Variants in RCOR1 observed in about 807,000 individuals in gnomAD.
RCOR1 encodes REST corepressor 1.
A neutral mutation model predicts 64.0 loss-of-function variants in RCOR1; 12 were observed. The observed-to-expected ratio is 0.19, with a 90% CI of 0.12 to 0.30. The LOEUF (loss-of-function observed/expected upper bound fraction) is 0.30. Ranked by LOEUF, RCOR1 falls within the 10% of genes least tolerant of loss-of-function variation. The pLI is 1.00. For synonymous variants in RCOR1, 279 were observed against 227.2 expected, an observed-to-expected ratio of 1.23 and a Z score of -2.05; for missense variants, 502 against 621.2, an observed-to-expected ratio of 0.81 and a Z score of 2.04.
At chr14:102,597,001 T>C (rs1162075729) in intron 2 of RCOR1, among the ~76,000 whole-genome samples, 1 of 151,712 alleles carries the variant, frequency 6.6e-6, no homozygotes, top group Admixed American at 6.6e-5. Flanking sequence ...GCCTCCCAAG[T>C]AGTTGGAACT....
chr14:102,593,158 G>C lies in RCOR1; in HGVS notation c.272G>C (p.Ser91Thr). 2.0e-6 allele frequency: 3 copies of C among 1,526,480 alleles called. No individual in the cohort carries two copies. Among genetic ancestry groups the C allele is most frequent in the Non-Finnish European group, 1.8e-6 (2 of 1,142,812 alleles). 94.6% of individuals were successfully genotyped at this position (1,526,480 alleles called of 1,614,324 possible). The change falls in exon 1 of 12, where the codon AGC becomes ACC. Residue 91 changes from serine to threonine, a missense_variant. By Grantham distance (58) the Ser-to-Thr change is moderately conservative (BLOSUM62 1). Transcript: ENST00000262241. ...AGCAGCAACTCCTGGGAGGAAGGCA[G>C]CTCGGGCTCGTCCAGCGACGAGGAG... is the stretch of plus-strand genomic sequence containing the variant. ...NSSSNSWEEG[S>T]SGSSSDEEHG...
intron 2 of RCOR1, among the ~76,000 whole-genome samples, chr14:102,679,032 T>G (rs1895249454): frequency 6.6e-6 from 1 of 152,248 alleles, no homozygotes; most frequent in African/African-American, 2.4e-5. Context: ...AGAAGTCCTT[T>G]GTTGCATATG....
At chr14:102,700,062 T>C (rs527880187) in intron 3 of RCOR1, among the ~76,000 whole-genome samples, 22 of 152,298 alleles carry the variant, frequency 1.4e-4, no homozygotes, top group African/African-American at 5.3e-4. Context: ...CTCTTAAGAA[T>C]TTTTTAAAAC....
chr14:102,612,705 G>A (rs988544553), intron 2 of RCOR1, among the ~76,000 whole-genome samples: 5 of 151,668 alleles, frequency 3.3e-5, no homozygotes, highest in Non-Finnish European at 7.4e-5. Context: ...CTGCTTGCTG[G>A]TTACCCTGTG....
At chr14:102,711,694 TATA>T (rs1392459290) in intron 7 of RCOR1, among the ~76,000 whole-genome samples, 1 of 152,160 alleles carries the variant, frequency 6.6e-6, no homozygotes, top group East Asian at 1.9e-4. Flanking sequence ...TGCTCCAAAT[TATA>T]AGAATAGTTA....
At chr14:102,656,413 T>C (rs1894725193) in intron 2 of RCOR1, among the ~76,000 whole-genome samples, 1 of 151,420 alleles carries the variant, frequency 6.6e-6, no homozygotes. Flanking sequence ...ATTGGGATTA[T>C]AGGTGTGAGC....
Position 102,726,815 on chromosome 14 carries a change from A to C in RCOR1, c.*309A>C. On this transcript the variant is annotated 3_prime_UTR_variant, in exon 12 of 12. Coordinates refer to ENST00000262241, the MANE Select transcript of RCOR1 (RefSeq NM_015156.4). ...CCGCCGGAGCCCCCGAGCCCCACCA[A>C]TGGCAGCTCTTCCCAGTCAGCAGCT... 6 of 348,928 alleles carry C rather than the reference A, an allele frequency of 1.7e-5. No homozygotes were observed. The highest frequency in any genetic ancestry group is 5.9e-5 in the East Asian group (1 of 17,038). The allele number at this position is 348,928 out of a possible 1,614,324, so 21.6% of individuals were successfully genotyped here.
Position 102,631,103 on chromosome 14 carries a change from C to T in RCOR1, c.361+37778C>T, listed in dbSNP as rs79079201. Among the ~76,000 whole-genome samples the T allele has an allele frequency of 2.6e-3, 390 of 152,248 alleles. 1 individual carries two copies. Among genetic ancestry groups the T allele is most frequent in the Non-Finnish European group, 4.6e-3 (314 of 68,040 alleles). ...AACTGGTATATCATCACTTCTGTCA[C>T]ATTTCCCCGATGACTTTGTGTCTCT... On this transcript the variant is annotated intron_variant, in intron 2 of 11. Coordinates refer to ENST00000262241, the MANE Select transcript of RCOR1 (RefSeq NM_015156.4).
intron 2 of RCOR1, among the ~76,000 whole-genome samples, chr14:102,595,798 C>G (rs1341890059): frequency 2.0e-5 from 3 of 152,056 alleles, no homozygotes; most frequent in Non-Finnish European, 4.4e-5. Flanking sequence ...CCAGGATGGT[C>G]TTGATCTCCT....
intron 2 of RCOR1, among the ~76,000 whole-genome samples, chr14:102,614,446 G>A (rs1428588664): frequency 1.3e-5 from 2 of 151,150 alleles, no homozygotes; most frequent in African/African-American, 2.4e-5. Flanking sequence ...GCATGGTCTC[G>A]ATCTCTTGAC....
At chr14:102,615,724 C>G (rs1209973102) in intron 2 of RCOR1, among the ~76,000 whole-genome samples, 1 of 152,192 alleles carries the variant, frequency 6.6e-6, no homozygotes, top group Non-Finnish European at 1.5e-5. Context: ...GCTGGTATTA[C>G]AGGTGTGAGC....
intron 2 of RCOR1, among the ~76,000 whole-genome samples, chr14:102,653,936 TTTCTTTC>T (rs1894650640): frequency 2.9e-5 from 1 of 35,086 alleles, no homozygotes; most frequent in South Asian, 8.0e-4. Flanking sequence ...TCTTTCTTTC[TTTCTTTC>T]TTTCTTTCTT....
intron 2 of RCOR1, among the ~76,000 whole-genome samples, chr14:102,601,489 G>T (rs1410484553): frequency 6.6e-6 from 1 of 152,216 alleles, no homozygotes; most frequent in Non-Finnish European, 1.5e-5. Flanking sequence ...GGGTATGCTT[G>T]TGAAGGATAA....
chr14:102,689,999 T>TCCCAAAGTGCTGGG (rs1895499244), intron 3 of RCOR1, among the ~76,000 whole-genome samples: 1 of 152,122 alleles, frequency 6.6e-6, no homozygotes, highest in Non-Finnish European at 1.5e-5. Context: ...TGCCTCAGCC[T>TCCCAAAGTGCTGGG]CCCAAAGTGC....
chr14:102,730,330 T>C lies in RCOR1; in HGVS notation c.*3824T>C, dbSNP rs1049709411. 105 of 251,822 alleles carry C rather than the reference T, an allele frequency of 4.2e-4. No individual in the cohort carries two copies. Among genetic ancestry groups the C allele is most frequent in the African/African-American group, 2.2e-3 (98 of 45,404 alleles). The allele number at this position is 251,822 out of a possible 1,614,324, so 15.6% of individuals were successfully genotyped here. On this transcript the variant is annotated 3_prime_UTR_variant, in exon 12 of 12. Coordinates refer to ENST00000262241, the MANE Select transcript of RCOR1 (RefSeq NM_015156.4). ...CCACGTTGGAATTTTAAAGAAAATA[T>C]GTTGTAATAATGCTGTTGTAAGTAA...
chr14:102,618,243 T>C (rs1381510416), intron 2 of RCOR1, among the ~76,000 whole-genome samples: 1 of 151,702 alleles, frequency 6.6e-6, no homozygotes, highest in Non-Finnish European at 1.5e-5. Flanking sequence ...TCCCAAAGTG[T>C]TGGGATTACA....
intron 2 of RCOR1, chr14:102,643,482 A>G (rs778486491): frequency 1.7e-5 from 4 of 242,000 alleles, no homozygotes; most frequent in Non-Finnish European, 2.7e-5. Flanking sequence ...CCTTGCCAGA[A>G]CTGAAAAGCG....
At chr14:102,605,684 G>A (rs1008674624) in intron 2 of RCOR1, among the ~76,000 whole-genome samples, 1 of 152,144 alleles carries the variant, frequency 6.6e-6, no homozygotes, top group Admixed American at 6.6e-5. Flanking sequence ...GCTATACTTT[G>A]TATGGTTATT....
Position 102,714,580 on chromosome 14 carries a change from G to A in RCOR1, c.1016G>A (p.Arg339Lys). 6.2e-7 allele frequency: 1 copy of A among 1,611,110 alleles called. No individual in the cohort carries two copies. The highest frequency in any genetic ancestry group is 1.1e-5 in the South Asian group (1 of 90,826). The change falls in exon 8 of 12, where the codon AGA becomes AAA. Residue 339 changes from arginine (R) to lysine (K), a missense_variant. This residue lies in a region of RCOR1 where 260 missense variants were observed against 416.4 expected (regional missense o/e 0.62). Transcript: ENST00000262241. ...ANATAATTVL[R>K]QLDMELVSVK... ...GCCACTGCTGCTACCACGGTGCTGA[G>A]ACAACTAGACATGGAATTGGTTTCA...
Sources: gnomAD v4.1 joint callset for allele counts (sites outside exome capture counted in the v4.1 genomes callset) on GRCh38, gnomAD v4.1.1 for gene constraint, gnomAD v4.1.1 regional missense constraint, MANE v1.5 for transcripts, NCBI Gene and HGNC (gene_info 2026-07-23, HGNC 2026-07-21) for gene names.